The following RAD54L2 variants were observed in gnomAD, a reference collection of about 807,000 sequenced individuals.
RAD54L2 encodes helicase ARIP4.
RAD54L2 carries 27 observed loss-of-function variants against 138.4 expected under a neutral mutation model. That is an observed-to-expected ratio of 0.20 (90% confidence interval 0.14 to 0.27). The LOEUF is 0.27. RAD54L2 is among the 10% of genes least tolerant of loss of function. RAD54L2 has a pLI of 1.00. For synonymous variants in RAD54L2, 644 were observed against 723.2 expected (o/e 0.89, Z 1.76); for missense variants, 1,396 against 1,890.2 (o/e 0.74, Z 4.85).
chr3:51,554,524 CAATA>C (rs747180756), intron 2 of RAD54L2, among the ~76,000 whole-genome samples: 2 of 151,716 alleles, frequency 1.3e-5, no homozygotes, highest in African/African-American at 2.4e-5. Flanking sequence ...AACTCCATCT[CAATA>C]AATAAATAAA....
At chr3:51,613,000 C>T (rs1452348769) in intron 3 of RAD54L2, among the ~76,000 whole-genome samples, 2 of 151,932 alleles carry the variant, frequency 1.3e-5, no homozygotes, top group African/African-American at 4.8e-5. Flanking sequence ...AGTGTGGTGG[C>T]GCAATCTTGG....
intron 15 of RAD54L2, among the ~76,000 whole-genome samples, chr3:51,642,298 C>T (rs1478267631): frequency 2.0e-5 from 3 of 149,230 alleles, no homozygotes; most frequent in South Asian, 2.1e-4. Context: ...CATGCATTCT[C>T]TGTTGGGGAG....
chr3:51,596,004 G>A (rs1001150121), intron 3 of RAD54L2, among the ~76,000 whole-genome samples: 6 of 147,108 alleles, frequency 4.1e-5, no homozygotes, highest in African/African-American at 7.5e-5. Context: ...GCGTGATCAC[G>A]ACTCACTGCA....
At chr3:51,618,897 C>G (rs1485737851) in intron 3 of RAD54L2, among the ~76,000 whole-genome samples, 1 of 152,136 alleles carries the variant, frequency 6.6e-6, no homozygotes, top group African/African-American at 2.4e-5. Flanking sequence ...TAATTTCTTT[C>G]CCTTGAATGT....
chr3:51,657,916 CTTTTTTTTT>C (rs71084155), intron 21 of RAD54L2, among the ~76,000 whole-genome samples: 3 of 87,408 alleles, frequency 3.4e-5, no homozygotes, highest in African/African-American at 4.6e-5. Flanking sequence ...ATCTTGCTGT[CTTTTTTTTT>C]TTTTTTTTTT....
intron 2 of RAD54L2, among the ~76,000 whole-genome samples, chr3:51,551,440 A>ATT (rs79199660): frequency 5.0e-5 from 7 of 140,092 alleles, no homozygotes; most frequent in Admixed American, 2.8e-4. Flanking sequence ...GCCTAATTTA[A>ATT]TTTTTTTTTT....
intron 2 of RAD54L2, among the ~76,000 whole-genome samples, chr3:51,582,501 C>G (rs1467307461): frequency 6.6e-6 from 1 of 151,924 alleles, no homozygotes; most frequent in African/African-American, 2.4e-5. Context: ...GTCTGTCACA[C>G]GGGCTTCTCA....
At position 51,635,702 on chromosome 3, in the gene RAD54L2, A is replaced by G. The variant is rs1700968005; in HGVS notation, c.1252A>G (p.Thr418Ala). The G allele has an allele frequency of 6.2e-7, 1 of 1,613,824 alleles. No homozygotes were observed. Among genetic ancestry groups the G allele is most frequent in the Non-Finnish European group, 8.5e-7 (1 of 1,179,880 alleles). Residue 418 changes from threonine (T) to alanine (A), a missense_variant, in exon 10 of 23, where the codon ACA (threonine) becomes GCA (alanine). This residue lies in a region of RAD54L2 where 169 missense variants were observed against 235.6 expected (regional missense o/e 0.72). Transcript: ENST00000684192. ...CCTCACTCTGAAGAAATCATTTGCC[A>G]CAGGTAGACCGAAGAAAACCAAGAA... is the stretch of plus-strand genomic sequence containing the variant. ...RLLTLKKSFATGRPKKTKKRS... is the reference protein window; with the variant it reads ...RLLTLKKSFAAGRPKKTKKRS...
intron 3 of RAD54L2, among the ~76,000 whole-genome samples, chr3:51,605,336 A>G (rs1700156536): frequency 6.8e-6 from 1 of 148,126 alleles, no homozygotes; most frequent in Non-Finnish European, 1.5e-5. Context: ...TAATCCACCC[A>G]CCTCAGCCTC....
At chr3:51,579,638 G>A (rs1577400752) in intron 2 of RAD54L2, among the ~76,000 whole-genome samples, 1 of 151,932 alleles carries the variant, frequency 6.6e-6, no homozygotes, top group Non-Finnish European at 1.5e-5. Flanking sequence ...TACGAACCCC[G>A]GTACCATTTA....
intron 3 of RAD54L2, among the ~76,000 whole-genome samples, chr3:51,603,434 C>T (rs997686861): frequency 7.2e-5 from 11 of 152,110 alleles, no homozygotes; most frequent in South Asian, 4.2e-4. Flanking sequence ...GGTGAAACCC[C>T]GCCTCTACTA....
intron 4 of RAD54L2, among the ~76,000 whole-genome samples, chr3:51,628,218 A>G (rs1201596721): frequency 6.6e-6 from 1 of 152,006 alleles, no homozygotes; most frequent in Non-Finnish European, 1.5e-5. Context: ...CAAATCCCCA[A>G]CAGTTCTTCC....
chr3:51,564,247 T>C (rs1315310883), intron 2 of RAD54L2, among the ~76,000 whole-genome samples: 2 of 152,214 alleles, frequency 1.3e-5, no homozygotes, highest in African/African-American at 4.8e-5. Flanking sequence ...AGTGCTTCAC[T>C]TTGGGCCACA....
Position 51,630,316 on chromosome 3 carries a change from C to A in RAD54L2, c.526C>A (p.Arg176=). The change falls in exon 6 of 23, where the codon CGG becomes AGG. Residue 176 remains arginine (R), a synonymous_variant. Coordinates refer to ENST00000684192, the MANE Select transcript of RAD54L2 (RefSeq NM_015106.4). ...RASDGPQLPP[R]VLAQEVICLD... Reference sequence around the variant, plus strand: ...AAGTGACGGTCCCCAACTGCCTCCTCGGGTCTTGGCCCAGGAAGTCATTTG... The same window carrying A: ...AAGTGACGGTCCCCAACTGCCTCCTAGGGTCTTGGCCCAGGAAGTCATTTG... 1 of 1,613,986 alleles carries A rather than the reference C, an allele frequency of 6.2e-7. No individual in the cohort carries two copies. Among genetic ancestry groups the A allele is most frequent in the East Asian group, 2.2e-5 (1 of 44,886 alleles).
intron 21 of RAD54L2, 93 bp downstream of exon 21, chr3:51,657,762 T>A: frequency 1.2e-6 from 1 of 846,560 alleles, no homozygotes; most frequent in Non-Finnish European, 1.9e-6. Flanking sequence ...GCTAGACGGG[T>A]CATAGGAATC....
intron 2 of RAD54L2, among the ~76,000 whole-genome samples, chr3:51,570,292 C>T (rs1041661241): frequency 2.7e-5 from 4 of 149,186 alleles, no homozygotes; most frequent in East Asian, 2.0e-4. Flanking sequence ...TACAGGTGCC[C>T]GCCACCACGC....
At chr3:51,601,451 G>A (rs1559632025) in intron 3 of RAD54L2, among the ~76,000 whole-genome samples, 1 of 151,702 alleles carries the variant, frequency 6.6e-6, no homozygotes, top group Admixed American at 6.6e-5. Flanking sequence ...GGGGTTACAC[G>A]CACGTGCCAC....
chr3:51,629,227 C>T, intron 4 of RAD54L2, 107 bp from the exon 5 acceptor site: 1 of 1,282,392 alleles, frequency 7.8e-7, no homozygotes, highest in Non-Finnish European at 1.1e-6. Flanking sequence ...TTCTCCTTCT[C>T]CCGCCTCGAC....
intron 20 of RAD54L2, 118 bp downstream of exon 20, chr3:51,656,288 T>A: frequency 1.0e-6 from 1 of 954,400 alleles, no homozygotes; most frequent in East Asian, 2.7e-5. Context: ...TTGGCACTCT[T>A]GGTAAAAAAT....
Sources: allele counts gnomAD v4.1 joint callset (sites outside exome capture counted in the v4.1 genomes callset), GRCh38; gene constraint gnomAD v4.1.1; regional missense constraint gnomAD v4.1.1; transcripts MANE v1.5; gene names NCBI Gene and HGNC (gene_info 2026-07-23, HGNC 2026-07-21).